CREB3L2: variants seen among roughly 807,000 people sequenced by gnomAD.
CREB3L2 encodes the protein cyclic AMP-responsive element-binding protein 3-like protein 2.
Under a neutral mutation model 57.2 loss-of-function variants are expected in CREB3L2, and 23 were observed. The ratio of observed to expected loss-of-function variants is 0.40; its 90% CI spans 0.29 to 0.57. The LOEUF (loss-of-function observed/expected upper bound fraction) is 0.57. CREB3L2 is among the 20% of genes least tolerant of loss of function. CREB3L2 has a pLI of 0.42. For missense variants in CREB3L2, 628 were observed against 634.7 expected (o/e 0.99, Z 0.11); for synonymous variants, 268 against 265.1 (o/e 1.01, Z -0.11).
intron 1 of CREB3L2, among the ~76,000 whole-genome samples, chr7:137,971,695 AGG>A (rs1303874960): frequency 6.6e-6 from 1 of 151,814 alleles, no homozygotes; most frequent in African/African-American, 2.4e-5. Context: ...AAAAAAGGCC[AGG>A]GTCTGTTTTC....
intron 2 of CREB3L2, among the ~76,000 whole-genome samples, chr7:137,918,273 C>T (rs1460222811): frequency 1.3e-5 from 2 of 152,172 alleles, no homozygotes; most frequent in Non-Finnish European, 1.5e-5. Flanking sequence ...TCGCTGCAAA[C>T]TCCGCCTCCC....
At chr7:137,933,352 C>T (rs772830331) in intron 1 of CREB3L2, among the ~76,000 whole-genome samples, 9 of 152,236 alleles carry the variant, frequency 5.9e-5, no homozygotes, top group Non-Finnish European at 1.3e-4. Flanking sequence ...TATCCCGAGG[C>T]AACGCTCTCT....
Position 137,946,876 on chromosome 7 carries a change from TTATCTATATAGTTA to T in CREB3L2, c.103-18524_103-18511del, listed in dbSNP as rs1800999311. 5.1e-5 allele frequency among the ~76,000 whole-genome samples: 3 copies of T among 59,156 alleles called. 1 individual carries two copies. The Admixed American group carries it at 6.0e-4, about 12-fold the overall frequency. 38.8% of individuals were successfully genotyped at this position (59,156 alleles called of 152,430 possible). ...GTTATCTATATAGTTATATATATAG[TTATCTATATAGTTA>T]TATATATAGTTATATATATAGTTAT... On this transcript the variant is annotated intron_variant, in intron 1 of 11. Coordinates refer to ENST00000330387, the MANE Select transcript of CREB3L2 (RefSeq NM_194071.4).
intron 1 of CREB3L2, among the ~76,000 whole-genome samples, chr7:137,958,136 G>A (rs1801253120): frequency 6.6e-6 from 1 of 152,170 alleles, no homozygotes; most frequent in Non-Finnish European, 1.5e-5. Flanking sequence ...TCCTCAGTGG[G>A]AAGAGAGTAG....
intron 1 of CREB3L2, among the ~76,000 whole-genome samples, chr7:137,958,923 C>T (rs758960273): frequency 2.0e-5 from 3 of 152,218 alleles, no homozygotes; most frequent in Non-Finnish European, 4.4e-5. Flanking sequence ...GTCTGCAACA[C>T]AAGGGATGTA....
intron 8 of CREB3L2, among the ~76,000 whole-genome samples, chr7:137,889,013 C>G (rs144282304): frequency 6.7e-6 from 1 of 149,412 alleles, no homozygotes; most frequent in Non-Finnish European, 1.5e-5. Context: ...ACCAACAATC[C>G]CTATTGACCA....
intron 3 of CREB3L2, among the ~76,000 whole-genome samples, chr7:137,913,430 C>T (rs1456975334): frequency 6.6e-6 from 1 of 150,782 alleles, no homozygotes; most frequent in Non-Finnish European, 1.5e-5. Context: ...TCACTTGAAC[C>T]CAGGAATTTG....
chr7:137,879,794 T>TG lies in CREB3L2; in HGVS notation c.*681dup, dbSNP rs1433586638. The TG allele has an allele frequency of 4.2e-6, 1 of 235,296 alleles. No individual in the cohort carries two copies. Among genetic ancestry groups the TG allele is most frequent in the Admixed American group, 5.5e-5 (1 of 18,068 alleles). 14.6% of individuals were successfully genotyped at this position (235,296 alleles called of 1,614,324 possible). A position where few individuals can be genotyped will look rare whatever the true frequency, so the allele number is the denominator to read the frequency against. On this transcript the variant is annotated 3_prime_UTR_variant, in exon 12 of 12. Transcript: ENST00000330387. ...CTGGGGAGGCAGAACTATGGATGTGTGGGGAACCAGGTTGTGGGAGGTCCT... is the reference window on the plus strand; with the variant it reads ...CTGGGGAGGCAGAACTATGGATGTGTGGGGGAACCAGGTTGTGGGAGGTCCT...
rs1188612733 is a variant in CREB3L2 at position 137,931,698 on chromosome 7, G to A, written c.103-3332C>T. On this transcript the variant is annotated intron_variant, in intron 1 of 11. Transcript: ENST00000330387. The stretch of plus-strand genomic sequence containing the variant: ...AATACAAAACTTAGCTGGGGGTGGT[G>A]GTGCACACCTATAGTCCGAGCTACT... Among the ~76,000 whole-genome samples the A allele has an allele frequency of 2.6e-5, 4 of 152,030 alleles. No individual in the cohort carries two copies. The East Asian group carries it at 7.7e-4, about 29-fold the overall frequency.
chr7:137,905,871 A>C, intron 5 of CREB3L2, 23 bp from the exon 6 acceptor site: 1 of 1,573,634 alleles, frequency 6.4e-7, no homozygotes. Flanking sequence ...AGGAGCAGAA[A>C]AGGGTCAAAG....
chr7:137,960,809 C>CTTTTTTTTTTTTTTTT (rs66493086), intron 1 of CREB3L2, among the ~76,000 whole-genome samples: 1 of 95,576 alleles, frequency 1.0e-5, no homozygotes, highest in Non-Finnish European at 1.9e-5. Flanking sequence ...TAAATTATTT[C>CTTTTTTTTTTTTTTTT]TTTTTTTTTT....
chr7:137,877,525 G>A lies in CREB3L2; in HGVS notation c.*2951C>T, dbSNP rs1585581233. The stretch of plus-strand genomic sequence containing the variant: ...GGCTGTGAAAAGAACCACGGTGGGG[G>A]GTCTGGGTTACTCAGGTCTTATCCA... On this transcript the variant is annotated 3_prime_UTR_variant, in exon 12 of 12. Coordinates refer to ENST00000330387, the MANE Select transcript of CREB3L2 (RefSeq NM_194071.4). 1 of 226,400 alleles carries A rather than the reference G, an allele frequency of 4.4e-6. No individual in the cohort carries two copies. Among genetic ancestry groups the A allele is most frequent in the Non-Finnish European group, 8.8e-6 (1 of 113,870 alleles). The allele number at this position is 226,400 out of a possible 1,614,324, so 14.0% of individuals were successfully genotyped here.
intron 1 of CREB3L2, among the ~76,000 whole-genome samples, chr7:137,993,288 C>A (rs1801932376): frequency 6.6e-6 from 1 of 152,136 alleles, no homozygotes; most frequent in Non-Finnish European, 1.5e-5. Flanking sequence ...CACCAGAGAG[C>A]CTGTGTCCCT....
chr7:137,938,604 A>G (rs1800832806), intron 1 of CREB3L2, among the ~76,000 whole-genome samples: 1 of 152,088 alleles, frequency 6.6e-6, no homozygotes, highest in Admixed American at 6.5e-5. Flanking sequence ...TCGGCTTCCC[A>G]AAGTGCTGGG....
At chr7:137,963,431 T>G (rs1037630017) in intron 1 of CREB3L2, among the ~76,000 whole-genome samples, 1 of 152,252 alleles carries the variant, frequency 6.6e-6, no homozygotes, top group Admixed American at 6.5e-5. Flanking sequence ...CGTACTTGAC[T>G]TTGTTAGTCC....
rs895076291 is a variant in CREB3L2 at position 137,880,029 on chromosome 7, G to A, written c.*447C>T. On this transcript the variant is annotated 3_prime_UTR_variant, in exon 12 of 12. Coordinates refer to ENST00000330387, the MANE Select transcript of CREB3L2 (RefSeq NM_194071.4). The surrounding 1 kb of genome is among the most constrained non-coding windows in gnomAD (Gnocchi z 4.0). ...CACCAGAGACCCCAGTGCGAGCAAC[G>A]GAGGACACGGGTCAGTGCTTTGCCA... The A allele has an allele frequency of 3.5e-5, 9 of 253,676 alleles. No individual in the cohort carries two copies. Among genetic ancestry groups the A allele is most frequent in the Non-Finnish European group, 5.4e-5 (7 of 130,422 alleles). 15.7% of individuals were successfully genotyped at this position (253,676 alleles called of 1,614,324 possible). A position where few individuals can be genotyped will look rare whatever the true frequency, so the allele number is the denominator to read the frequency against.
At chr7:137,882,306 G>T (rs1336303095) in intron 11 of CREB3L2, 106 bp downstream of exon 11, 5 of 789,204 alleles carry the variant, frequency 6.3e-6, no homozygotes, top group Non-Finnish European at 1.1e-5. Context: ...AGAGCTGAGG[G>T]ACTGAACCAG....
chr7:137,972,730 T>TAGAG (rs1801536825), intron 1 of CREB3L2, among the ~76,000 whole-genome samples: 1 of 27,352 alleles, frequency 3.7e-5, no homozygotes, highest in Non-Finnish European at 6.3e-5. Context: ...TATATATATA[T>TAGAG]ATATATAGAG....
chr7:137,922,453 T>TATATATACGTGTATATATATATATACAC (rs1554498063), intron 2 of CREB3L2: 1 of 72,576 alleles, frequency 1.4e-5, no homozygotes, highest in African/African-American at 6.3e-5. Flanking sequence ...TATATATATA[T>TATATATACGTGTATATATATATATACAC]ACACACATAT....
Sources: allele counts gnomAD v4.1 joint callset (sites outside exome capture counted in the v4.1 genomes callset), GRCh38; gene constraint gnomAD v4.1.1; non-coding constraint Gnocchi (gnomAD v3.1); transcripts MANE v1.5; gene names NCBI Gene and HGNC (gene_info 2026-07-23, HGNC 2026-07-21).